The following LRP1B variants were observed in gnomAD, a reference collection of about 807,000 sequenced individuals.
LRP1B encodes the protein LDL receptor related protein 1B.
A neutral mutation model predicts 556.6 loss-of-function variants in LRP1B; 217 were observed. The observed-to-expected ratio is 0.39, with a 90% CI of 0.35 to 0.44. The LOEUF is 0.44. Among genes scored for constraint, LRP1B ranks in the 20% least tolerant of loss-of-function variants. LRP1B has a pLI of 1.00. For synonymous variants in LRP1B, 2,047 were observed against 1,865.8 expected (o/e 1.10, Z -2.50); for missense variants, 5,053 against 5,620.8 (o/e 0.90, Z 3.23).
chr2:140,717,195 C>T (rs1032507430), intron 35 of LRP1B, among the ~76,000 whole-genome samples: 1 of 151,930 alleles, frequency 6.6e-6, no homozygotes, highest in Non-Finnish European at 1.5e-5. Context: ...ACAGCTATAC[C>T]TATGTCTGAA....
chr2:140,872,310 A>G (rs183230447), intron 25 of LRP1B, among the ~76,000 whole-genome samples: 92 of 145,802 alleles, frequency 6.3e-4, no homozygotes, highest in African/African-American at 2.3e-3. Flanking sequence ...GTGTGAACAG[A>G]CAAGTTCATC....
At chr2:140,644,646 C>G (rs1387001787) in intron 41 of LRP1B, among the ~76,000 whole-genome samples, 1 of 152,042 alleles carries the variant, frequency 6.6e-6, no homozygotes, top group East Asian at 1.9e-4. Context: ...TTCCTGGGCT[C>G]AATCCATCTG....
chr2:140,946,174 T>C (rs1695541775), intron 20 of LRP1B, among the ~76,000 whole-genome samples: 1 of 152,132 alleles, frequency 6.6e-6, no homozygotes. Flanking sequence ...CCAATCAGAA[T>C]GGCTATTATT....
chr2:140,958,181 G>T (rs1695930351), intron 18 of LRP1B, among the ~76,000 whole-genome samples: 1 of 151,302 alleles, frequency 6.6e-6, no homozygotes, highest in South Asian at 2.1e-4. Context: ...CTAAAATTCA[G>T]CAGACCTAAC....
chr2:140,623,330 G>T (rs2105256523), intron 41 of LRP1B, among the ~76,000 whole-genome samples: 1 of 152,024 alleles, frequency 6.6e-6, no homozygotes, highest in Middle Eastern at 3.4e-3. Context: ...CAATAAAGTT[G>T]ACCCCCTTAA....
intron 2 of LRP1B, among the ~76,000 whole-genome samples, chr2:141,493,314 T>G (rs967300467): frequency 1.1e-4 from 16 of 152,274 alleles, no homozygotes; most frequent in African/African-American, 3.8e-4. Context: ...CTGCCTTTTT[T>G]GTGTAGTAGA....
At position 140,932,383 on chromosome 2, in the gene LRP1B, C is replaced by A. The variant is rs184740623; in HGVS notation, c.3137-9236G>T. ...TTGTGTAAATAAAGTTTTATTGGAA[C>A]CCTGACACACTCATTTGTTGACATA... On this transcript the variant is annotated intron_variant, in intron 20 of 90. Transcript: ENST00000389484. Among the ~76,000 whole-genome samples the A allele has an allele frequency of 4.6e-5, 7 of 152,158 alleles. 1 individual carries two copies. In the East Asian group the frequency reaches 7.8e-4, roughly 17 times the overall value.
intron 1 of LRP1B, among the ~76,000 whole-genome samples, chr2:141,865,591 C>CAAAAAAAAAAAAAAA (rs78227528): frequency 2.3e-5 from 1 of 43,310 alleles, no homozygotes; most frequent in Non-Finnish European, 5.5e-5. Context: ...GACTCCGTCT[C>CAAAAAAAAAAAAAAA]AAAAAAAAAA....
intron 1 of LRP1B, among the ~76,000 whole-genome samples, chr2:141,811,126 T>A (rs916313461): frequency 6.6e-6 from 1 of 152,118 alleles, no homozygotes; most frequent in Admixed American, 6.6e-5. Context: ...ACTCATCAGA[T>A]GTTTGTTTTC....
intron 1 of LRP1B, among the ~76,000 whole-genome samples, chr2:142,059,574 A>C (rs139265602): frequency 2.0e-5 from 3 of 152,194 alleles, no homozygotes; most frequent in African/African-American, 7.2e-5. Context: ...TCTTTTAAAA[A>C]GTTTTTAGGG....
intron 3 of LRP1B, among the ~76,000 whole-genome samples, chr2:141,280,598 C>T (rs1685475473): frequency 6.6e-6 from 1 of 151,766 alleles, no homozygotes; most frequent in African/African-American, 2.4e-5. Flanking sequence ...ATTTAGGATG[C>T]AGAACGCTTA....
chr2:141,314,924 GTA>G (rs1224176974), intron 3 of LRP1B, among the ~76,000 whole-genome samples: 1 of 133,250 alleles, frequency 7.5e-6, no homozygotes, highest in Non-Finnish European at 1.6e-5. Flanking sequence ...ATATATATAT[GTA>G]TAGGCCTACA....
At chr2:140,742,496 A>C (rs1012327525) in intron 35 of LRP1B, among the ~76,000 whole-genome samples, 2 of 152,236 alleles carry the variant, frequency 1.3e-5, no homozygotes, top group African/African-American at 4.8e-5. Flanking sequence ...CTATTCAATA[A>C]AACAGACGAC....
intron 32 of LRP1B, among the ~76,000 whole-genome samples, chr2:140,810,621 A>T (rs1690885561): frequency 6.6e-6 from 1 of 152,196 alleles, no homozygotes; most frequent in South Asian, 2.1e-4. Flanking sequence ...AGAAAATGTT[A>T]TAGAGACTCT....
At chr2:141,040,628 C>T (rs750594864) in intron 11 of LRP1B, among the ~76,000 whole-genome samples, 1 of 151,650 alleles carries the variant, frequency 6.6e-6, no homozygotes, top group African/African-American at 2.4e-5. Context: ...TGTGTGTGTG[C>T]GCACATGTGT....
intron 81 of LRP1B, among the ~76,000 whole-genome samples, chr2:140,322,342 C>A (rs1256471090): frequency 6.6e-6 from 1 of 151,980 alleles, no homozygotes; most frequent in Non-Finnish European, 1.5e-5. Flanking sequence ...TTATTCAAAT[C>A]TATACCTTGT....
chr2:140,768,233 T>C (rs1689183598), intron 35 of LRP1B, among the ~76,000 whole-genome samples: 1 of 151,926 alleles, frequency 6.6e-6, no homozygotes, highest in Admixed American at 6.6e-5. Flanking sequence ...TAACTTGTAG[T>C]CCAGAGTTTT....
At chr2:141,301,917 G>T (rs1445557887) in intron 3 of LRP1B, among the ~76,000 whole-genome samples, 2 of 152,168 alleles carry the variant, frequency 1.3e-5, no homozygotes, top group East Asian at 1.9e-4. Context: ...GATATTATGT[G>T]CTTGAGGACT....
At chr2:142,036,306 A>G (rs1386444565) in intron 1 of LRP1B, among the ~76,000 whole-genome samples, 1 of 151,746 alleles carries the variant, frequency 6.6e-6, no homozygotes, top group Admixed American at 6.6e-5. Flanking sequence ...TAAATCATTG[A>G]CATTTGAAAA....
Sources: allele counts gnomAD v4.1 joint callset (sites outside exome capture counted in the v4.1 genomes callset), GRCh38; gene constraint gnomAD v4.1.1; transcripts MANE v1.5; gene names NCBI Gene and HGNC (gene_info 2026-07-23, HGNC 2026-07-21).